Variants in CALN1 observed in about 807,000 individuals in gnomAD.
CALN1 encodes calneuron 1.
CALN1 carries 17 observed loss-of-function variants against 30.6 expected under a neutral mutation model. The ratio of observed to expected loss-of-function variants is 0.56; its 90% CI spans 0.38 to 0.83. CALN1 has a LOEUF of 0.83. CALN1 is among the 40% of genes least tolerant of loss of function. The probability of loss-of-function intolerance (pLI) is 0.00; values close to 1 mark genes in which losing one functional copy is unlikely to be tolerated. For synonymous variants in CALN1, 156 were observed against 131.4 expected, an observed-to-expected ratio of 1.19 and a Z score of -1.28; for missense variants, 291 against 354.9, an observed-to-expected ratio of 0.82 and a Z score of 1.45.
At chr7:71,866,094 C>T (rs927584421) in intron 5 of CALN1, among the ~76,000 whole-genome samples, 48 of 152,152 alleles carry the variant, frequency 3.2e-4, no homozygotes, top group African/African-American at 1.1e-3. Context: ...CAAGCTCTGC[C>T]TCCCGGGTTC....
intron 3 of CALN1, 124 bp from the exon 4 acceptor site, chr7:72,106,418 T>A: frequency 1.7e-6 from 2 of 1,161,164 alleles, no homozygotes; most frequent in Non-Finnish European, 2.4e-6. Flanking sequence ...TAAAACTCTT[T>A]AATCAGATAA....
intron 5 of CALN1, among the ~76,000 whole-genome samples, chr7:72,017,536 C>A (rs1328477107): frequency 6.6e-6 from 1 of 152,142 alleles, no homozygotes; most frequent in Non-Finnish European, 1.5e-5. Context: ...ATTCTAAAGA[C>A]CAGCTTGCAG....
chr7:72,113,170 G>C (rs1443246117), intron 3 of CALN1, among the ~76,000 whole-genome samples: 1 of 152,184 alleles, frequency 6.6e-6, no homozygotes, highest in Non-Finnish European at 1.5e-5. Flanking sequence ...AGGCCTATGA[G>C]CCATGGGGCC....
At chr7:72,302,595 C>CA (rs992993608) in intron 2 of CALN1, among the ~76,000 whole-genome samples, 3 of 151,990 alleles carry the variant, frequency 2.0e-5, no homozygotes, top group Admixed American at 2.0e-4. Flanking sequence ...CCCATCTCTA[C>CA]AAAAAATACG....
chr7:72,368,571 A>G (rs1458980488), intron 2 of CALN1, among the ~76,000 whole-genome samples: 1 of 152,122 alleles, frequency 6.6e-6, no homozygotes, highest in African/African-American at 2.4e-5. Flanking sequence ...AATAAGAAAA[A>G]TCATCAAAAA....
intron 3 of CALN1, among the ~76,000 whole-genome samples, chr7:72,236,271 T>A (rs1230962190): frequency 6.6e-6 from 1 of 152,094 alleles, no homozygotes; most frequent in Admixed American, 6.6e-5. Context: ...TATCATTAAG[T>A]GTTTAAGGAA....
At chr7:71,865,076 C>G (rs936667151) in intron 5 of CALN1, among the ~76,000 whole-genome samples, 2 of 151,990 alleles carry the variant, frequency 1.3e-5, no homozygotes, top group African/African-American at 4.8e-5. Context: ...ATAAAGCAAG[C>G]AAGCAAGAAA....
Position 72,127,575 on chromosome 7 carries a change from T to C in CALN1, c.245-21281A>G, listed in dbSNP as rs139385046. 4.5e-3 allele frequency among the ~76,000 whole-genome samples: 678 copies of C among 152,196 alleles called. 3 individuals are homozygous for C. Among genetic ancestry groups the C allele is most frequent in the African/African-American group, 0.016 (658 of 41,538 alleles). ...AGGAGGGAAAAGTGGTCAACGTATA[T>C]ATGGGTTTTAAGGTACAGCCAGCAG... On this transcript the variant is annotated intron_variant, in intron 3 of 6. Transcript: ENST00000395275.
chr7:72,500,748 CTAA>C, the CALN1 span, among the ~76,000 whole-genome samples: 3 of 151,984 alleles, frequency 2.0e-5, no homozygotes, highest in Non-Finnish European at 2.9e-5. Flanking sequence ...TGATGAGGCA[CTAA>C]TGTTATTATC....
At chr7:72,500,774 C>T in the CALN1 span, among the ~76,000 whole-genome samples, 2 of 151,840 alleles carry the variant, frequency 1.3e-5, no homozygotes. Context: ...ATTCTTTGTG[C>T]ATTTCTATTT....
the CALN1 span, among the ~76,000 whole-genome samples, chr7:72,494,221 ACT>A: frequency 2.6e-5 from 4 of 151,922 alleles, no homozygotes; most frequent in Middle Eastern, 3.4e-3. Context: ...ACTTGGAACA[ACT>A]CTCTTTCACC....
At chr7:71,949,837 C>T (rs998960662) in intron 5 of CALN1, among the ~76,000 whole-genome samples, 1 of 151,984 alleles carries the variant, frequency 6.6e-6, no homozygotes, top group Non-Finnish European at 1.5e-5. Context: ...TCTTGGCTCA[C>T]TGCAAGCTCC....
intron 2 of CALN1, among the ~76,000 whole-genome samples, chr7:72,361,468 T>G (rs1803565359): frequency 6.6e-6 from 1 of 152,180 alleles, no homozygotes. Context: ...ATGGCACCAC[T>G]GCACTCCAGC....
intron 1 of CALN1, among the ~76,000 whole-genome samples, chr7:72,438,328 C>T (rs1013537443): frequency 6.6e-6 from 1 of 151,006 alleles, no homozygotes; most frequent in African/African-American, 2.4e-5. Context: ...CACTATGTTG[C>T]CTAGGCTGGC....
chr7:72,493,772 G>A, the CALN1 span, among the ~76,000 whole-genome samples: 3 of 152,174 alleles, frequency 2.0e-5, no homozygotes, highest in Non-Finnish European at 4.4e-5. Context: ...GTGTGCTAGT[G>A]CAGGTGGCAT....
Position 72,197,178 on chromosome 7 carries a change from CTTTTT to C in CALN1, c.244+81503_244+81507del, listed in dbSNP as rs386410439. Among the ~76,000 whole-genome samples, 509 of 64,244 alleles carry C rather than the reference CTTTTT, an allele frequency of 7.9e-3. 1 individual carries two copies. Among genetic ancestry groups the C allele is most frequent in the Non-Finnish European group, 0.012 (445 of 37,640 alleles). 42.1% of individuals were successfully genotyped at this position (64,244 alleles called of 152,430 possible). A position where few individuals can be genotyped will look rare whatever the true frequency, so the allele number is the denominator to read the frequency against. The stretch of plus-strand genomic sequence containing the variant: ...TTTTCATTGTCAAATGGAAGGTTTG[CTTTTT>C]TTTTTTTTTTTTTTTTTTTGAGACA... On this transcript the variant is annotated intron_variant, in intron 3 of 6. Transcript: ENST00000395275.
intron 3 of CALN1, among the ~76,000 whole-genome samples, chr7:72,209,194 T>C (rs1324269435): frequency 2.1e-5 from 2 of 93,158 alleles, no homozygotes; most frequent in East Asian, 4.6e-4. Flanking sequence ...CCCTCTTTCC[T>C]TCCCTCCTTC....
At chr7:72,063,250 A>T (rs1803788196) in intron 4 of CALN1, among the ~76,000 whole-genome samples, 1 of 152,216 alleles carries the variant, frequency 6.6e-6, no homozygotes. Flanking sequence ...TTAATTCAAA[A>T]TTTAAATTTT....
At chr7:72,343,735 G>A (rs1391571072) in intron 2 of CALN1, among the ~76,000 whole-genome samples, 1 of 152,146 alleles carries the variant, frequency 6.6e-6, no homozygotes, top group African/African-American at 2.4e-5. Context: ...GAATTGAGAT[G>A]GAATAGCAAG....
Sources: gnomAD v4.1 joint callset for allele counts (sites outside exome capture counted in the v4.1 genomes callset) on GRCh38, gnomAD v4.1.1 for gene constraint, MANE v1.5 for transcripts, NCBI Gene and HGNC (gene_info 2026-07-23, HGNC 2026-07-21) for gene names.